The following INPP4B variants were observed in gnomAD, a reference collection of about 807,000 sequenced individuals.
INPP4B encodes inositol polyphosphate 4-phosphatase type II.
A neutral mutation model predicts 122.5 loss-of-function variants in INPP4B; 55 were observed. That is an observed-to-expected ratio of 0.45 (90% CI 0.36 to 0.56). INPP4B has a LOEUF of 0.56. Ranked by LOEUF, INPP4B falls within the 20% of genes least tolerant of loss-of-function variation. The pLI is 0.00. For missense variants in INPP4B, 1,000 were observed against 1,097.7 expected, an observed-to-expected ratio of 0.91 and a Z score of 1.26; for synonymous variants, 403 against 388.7, an observed-to-expected ratio of 1.04 and a Z score of -0.43.
chr4:142,395,379 A>G (rs1194906829), intron 7 of INPP4B, among the ~76,000 whole-genome samples: 1 of 152,192 alleles, frequency 6.6e-6, no homozygotes, highest in African/African-American at 2.4e-5. Context: ...TGTTACCCGC[A>G]TTCTAACACT....
rs1359572670 is a variant in INPP4B at position 142,122,308 on chromosome 4, A to G, written c.2018-63T>C. 5 of 1,151,836 alleles carry G rather than the reference A, an allele frequency of 4.3e-6. No individual in the cohort carries two copies. In the South Asian group the frequency reaches 6.4e-5, roughly 15 times the overall value. The allele number at this position is 1,151,836 out of a possible 1,614,324, so 71.4% of individuals were successfully genotyped here. A position where few individuals can be genotyped will look rare whatever the true frequency, so the allele number is the denominator to read the frequency against. On this transcript the variant is annotated intron_variant, in intron 20 of 25. Transcript: ENST00000262992. ...TTTGAGGAAAATGTCACTAGCTACT[A>G]TGCCTCCCTGCTGGAATTTGTTCTA...
At chr4:142,649,220 C>T (rs1423600883) in intron 2 of INPP4B, among the ~76,000 whole-genome samples, 1 of 152,174 alleles carries the variant, frequency 6.6e-6, no homozygotes, top group African/African-American at 2.4e-5. Context: ...CTGTAGGTCA[C>T]CAACATCAAA....
chr4:142,070,736 A>G (rs933159019), intron 25 of INPP4B, among the ~76,000 whole-genome samples: 15 of 152,220 alleles, frequency 9.9e-5, no homozygotes, highest in African/African-American at 2.7e-4. Flanking sequence ...TCCCATTCAC[A>G]ATTGCTTCAA....
intron 2 of INPP4B, among the ~76,000 whole-genome samples, chr4:142,587,855 T>C (rs1736567209): frequency 6.6e-6 from 1 of 151,946 alleles, no homozygotes; most frequent in Non-Finnish European, 1.5e-5. Context: ...ATTACTTTAA[T>C]ATAAAAACTA....
chr4:142,081,487 T>A (rs978505842), intron 25 of INPP4B, among the ~76,000 whole-genome samples: 8 of 152,146 alleles, frequency 5.3e-5, no homozygotes, highest in African/African-American at 1.7e-4. Flanking sequence ...TTTTAAAGTA[T>A]CAGTGTCATC....
At chr4:142,386,872 C>T (rs1412537671) in intron 7 of INPP4B, among the ~76,000 whole-genome samples, 4 of 152,128 alleles carry the variant, frequency 2.6e-5, no homozygotes, top group Non-Finnish European at 5.9e-5. Context: ...GACCTTCTAA[C>T]GACCCCCAGG....
chr4:142,192,421 C>CT (rs1367895350), intron 15 of INPP4B, among the ~76,000 whole-genome samples: 1 of 143,896 alleles, frequency 6.9e-6, no homozygotes, highest in Non-Finnish European at 1.5e-5. Context: ...GGATAATGCA[C>CT]TTTATGTTTT....
chr4:142,402,034 G>A (rs1448563338), intron 7 of INPP4B, among the ~76,000 whole-genome samples: 1 of 152,166 alleles, frequency 6.6e-6, no homozygotes, highest in East Asian at 1.9e-4. Context: ...GCCGAAGTGA[G>A]GGCAGAGTTC....
At chr4:142,062,119 G>A (rs146420525) in intron 25 of INPP4B, among the ~76,000 whole-genome samples, 1 of 151,932 alleles carries the variant, frequency 6.6e-6, no homozygotes, top group East Asian at 1.9e-4. Flanking sequence ...CAAACACAGA[G>A]ATCTAAGCTT....
intron 2 of INPP4B, among the ~76,000 whole-genome samples, chr4:142,505,676 T>C (rs1823934745): frequency 1.3e-5 from 2 of 152,200 alleles, no homozygotes; most frequent in Admixed American, 1.3e-4. Context: ...ATTTGGGTCC[T>C]GGTTAGAGGA....
intron 1 of INPP4B, among the ~76,000 whole-genome samples, chr4:142,769,650 C>T (rs1431399419): frequency 6.6e-6 from 1 of 152,110 alleles, no homozygotes; most frequent in Non-Finnish European, 1.5e-5. Flanking sequence ...TATGGTGGCT[C>T]ACACCTGTAA....
chr4:142,305,639 A>T, intron 8 of INPP4B, 102 bp from the exon 9 acceptor site: 1 of 1,492,996 alleles, frequency 6.7e-7, no homozygotes, highest in Non-Finnish European at 9.1e-7. Flanking sequence ...ATGAAATATT[A>T]AATCTATTAG....
At chr4:142,415,492 G>A (rs1334379038) in intron 5 of INPP4B, among the ~76,000 whole-genome samples, 3 of 152,182 alleles carry the variant, frequency 2.0e-5, no homozygotes, top group Admixed American at 2.0e-4. Context: ...TCATTAAAAA[G>A]TCAGGAAACA....
chr4:142,742,374 G>T (rs906598866), intron 1 of INPP4B, among the ~76,000 whole-genome samples: 4 of 151,916 alleles, frequency 2.6e-5, no homozygotes, highest in Non-Finnish European at 5.9e-5. Context: ...GCTCTATCTT[G>T]TTTTTATTTC....
intron 2 of INPP4B, among the ~76,000 whole-genome samples, chr4:142,642,211 G>A (rs992260252): frequency 6.6e-6 from 1 of 152,154 alleles, no homozygotes; most frequent in Non-Finnish European, 1.5e-5. Context: ...CTCCCATTCT[G>A]TAGGTTGCCT....
chr4:142,080,668 G>T (rs1415171732), intron 25 of INPP4B, among the ~76,000 whole-genome samples: 1 of 152,054 alleles, frequency 6.6e-6, no homozygotes, highest in East Asian at 1.9e-4. Flanking sequence ...ATTATTTTAT[G>T]TCTAATTTAA....
chr4:142,048,275 C>T (rs963595807), intron 25 of INPP4B, among the ~76,000 whole-genome samples: 1 of 152,086 alleles, frequency 6.6e-6, no homozygotes, highest in African/African-American at 2.4e-5. Flanking sequence ...CGAGAAACTG[C>T]AGATTATAGT....
intron 3 of INPP4B, among the ~76,000 whole-genome samples, chr4:142,460,740 T>C (rs954213695): frequency 1.3e-5 from 2 of 152,148 alleles, no homozygotes; most frequent in Admixed American, 6.6e-5. Context: ...GTCAACTTAA[T>C]TGGAAGATGC....
chr4:142,123,889 G>A (rs1033224350), intron 19 of INPP4B, among the ~76,000 whole-genome samples: 3 of 152,114 alleles, frequency 2.0e-5, no homozygotes, highest in African/African-American at 4.8e-5. Flanking sequence ...GGGGGAAAGC[G>A]ACAGTTTGGT....
Sources: gnomAD v4.1 joint callset for allele counts (sites outside exome capture counted in the v4.1 genomes callset) on GRCh38, gnomAD v4.1.1 for gene constraint, MANE v1.5 for transcripts, NCBI Gene and HGNC (gene_info 2026-07-23, HGNC 2026-07-21) for gene names.